CAMTA2: variants seen among roughly 807,000 people sequenced by gnomAD.
The protein encoded by CAMTA2 is calmodulin-binding transcription activator 2.
A neutral mutation model predicts 135.7 loss-of-function variants in CAMTA2; 56 were observed. The observed-to-expected ratio is 0.41, with a 90% CI of 0.33 to 0.52. The LOEUF (loss-of-function observed/expected upper bound fraction) is 0.52. Among genes scored for constraint, CAMTA2 ranks in the 20% least tolerant of loss-of-function variants. CAMTA2 has a pLI of 0.16. For missense variants in CAMTA2, 1,358 were observed against 1,553.4 expected (o/e 0.87, Z 2.11); for synonymous variants, 591 against 604.6 (o/e 0.98, Z 0.33).
Position 4,980,288 on chromosome 17 carries a change from G to C in CAMTA2, c.1034C>G (p.Ala345Gly). ...GGAAGGCCTAGGATCAGCCTGTGGA[G>C]CCAAGTGCCTGGTGGGCGTCAAGCC... ...AGGLTPTRHL[A>G]PQADPRPSMS... Residue 345 changes from alanine to glycine, a missense_variant, in exon 9 of 23, where the codon GCT becomes GGT. Physicochemically the swap from Ala to Gly is moderately conservative, Grantham distance 60. Transcript: ENST00000348066. The surrounding 1 kb of genome is among the most constrained non-coding windows in gnomAD (Gnocchi z 5.3). The C allele has an allele frequency of 6.2e-7, 1 of 1,609,326 alleles. No individual in the cohort carries two copies. The highest frequency in any genetic ancestry group is 8.5e-7 in the Non-Finnish European group (1 of 1,177,162).
At chr17:4,986,103 G>T in intron 2 of CAMTA2, 89 bp downstream of exon 2, 2 of 1,110,610 alleles carry the variant, frequency 1.8e-6, no homozygotes, top group South Asian at 1.2e-5. Flanking sequence ...TCACTAAGGA[G>T]AACAGAAAAT....
At chr17:4,977,927 TCCAATAGGGTAACACGAG>T (rs1480281950) in intron 10 of CAMTA2, among the ~76,000 whole-genome samples, 2 of 152,246 alleles carry the variant, frequency 1.3e-5, no homozygotes, top group African/African-American at 4.8e-5. Context: ...ATCGTCACTA[TCCAATAGGGTAACACGAG>T]CCATGTGTGG....
In CAMTA2 at chr17:4,970,034, C is replaced by T; in HGVS notation, c.3057G>A (p.Trp1019Ter). 2 of 1,614,066 alleles carry T rather than the reference C, an allele frequency of 1.2e-6. No individual in the cohort carries two copies. The highest frequency in any genetic ancestry group is 1.7e-6 in the Non-Finnish European group (2 of 1,180,014). Residue 1019 changes from tryptophan (W) to a stop codon, truncating the protein, a stop_gained, in exon 18 of 23, where the codon TGG becomes TGA. Transcript: ENST00000348066. LOFTEE classifies it high-confidence loss of function. ...TGGTGGATGCAGAGAGAAACTCTGC[C>T]CAGGAGGGTGCTGAAGGGACAGCCA... The part of the protein sequence containing the change: ...GRLAVPSAPS[W>*]AEFLSASTSG...
rs184255864 is a variant in CAMTA2, at chr17:4,969,912, C to T, written c.3179G>A (p.Arg1060Gln). 53 of 1,614,074 alleles carry T rather than the reference C, an allele frequency of 3.3e-5. No individual in the cohort carries two copies. Among genetic ancestry groups the T allele is most frequent in the Middle Eastern group, 3.3e-4 (2 of 6,062 alleles). Reference protein sequence around the residue: ...EAARVIQTAFRKYKGRRLKEQ... With the variant: ...EAARVIQTAFQKYKGRRLKEQ... ...ACCCCTGCCCCTGACCTTGTACTTT[C>T]GGAAGGCCGTCTGGATGACTCGGGC... Residue 1060 changes from arginine (R) to glutamine (Q), a missense_variant, in exon 18 of 23, where the codon CGA becomes CAA. By Grantham distance (43) the Arg-to-Gln change is conservative. Transcript: ENST00000348066. The surrounding 1 kb of genome is among the most constrained non-coding windows in gnomAD (Gnocchi z 5.6).
In CAMTA2 at chr17:4,978,650, AC is replaced by A. The variant is rs1049009283; in HGVS notation, c.1639-21del. 9 of 1,609,110 alleles carry A rather than the reference AC, an allele frequency of 5.6e-6. No homozygotes were observed. The highest frequency in any genetic ancestry group is 6.8e-6 in the Non-Finnish European group (8 of 1,176,620). On this transcript the variant is annotated intron_variant, in intron 9 of 22. Coordinates refer to ENST00000348066, the MANE Select transcript of CAMTA2 (RefSeq NM_015099.4). The stretch of plus-strand genomic sequence containing the variant: ...CCCACCCTGCAGACAGAAGTCAGAG[AC>A]CATGTGACTGGAGTTGGGCGTTCAT...
chr17:4,973,295 A>G (rs1454971404), intron 13 of CAMTA2, 42 bp from the exon 14 acceptor site: 1 of 1,498,920 alleles, frequency 6.7e-7, no homozygotes, highest in Admixed American at 1.7e-5. Context: ...CAATGAGGGA[A>G]AAAGTGGGCA....
chr17:4,974,113 C>T (rs1464882648), intron 12 of CAMTA2: 2 of 537,340 alleles, frequency 3.7e-6, no homozygotes, highest in African/African-American at 3.8e-5. Flanking sequence ...ATCTGAGCCC[C>T]AGTGCTCCTG....
At chr17:4,972,639 C>G in intron 15 of CAMTA2, 103 bp from the exon 16 acceptor site, 1 of 1,435,902 alleles carries the variant, frequency 7.0e-7, no homozygotes. Flanking sequence ...TCTGTTCTTG[C>G]TTCTGTTATC....
intron 1 of CAMTA2, chr17:4,986,865 G>A (rs1192993153): frequency 1.8e-6 from 2 of 1,103,890 alleles, no homozygotes; most frequent in South Asian, 1.3e-5. Context: ...CCACCCTCAG[G>A]ACAACCCACC....
At chr17:4,970,169 C>T (rs1345572061) in intron 17 of CAMTA2, 84 bp from the exon 18 acceptor site, 1 of 1,458,172 alleles carries the variant, frequency 6.9e-7, no homozygotes, top group Non-Finnish European at 9.5e-7. Flanking sequence ...AGGAAAACCA[C>T]CAGCAACTGA....
chr17:4,974,023 C>T, intron 12 of CAMTA2: 2 of 550,534 alleles, frequency 3.6e-6, no homozygotes, highest in Admixed American at 6.8e-5. Flanking sequence ...GCCATGTTCA[C>T]ACATGGCTTC....
chr17:4,978,544 G>C lies in CAMTA2; in HGVS notation c.1725C>G (p.Ala575=). 1.2e-6 allele frequency: 2 copies of C among 1,614,152 alleles called. No individual in the cohort carries two copies. The highest frequency in any genetic ancestry group is 1.7e-6 in the Non-Finnish European group (2 of 1,179,996). The change falls in exon 10 of 23, where the codon GCC becomes GCG. Residue 575 remains alanine (A), a synonymous_variant. Transcript: ENST00000348066. ...SCVFDHIAVP[A]SLVQPGVLRC... ...GTAAGACACCAGGCTGGACAAGTGA[G>C]GCTGGCACTGCGATGTGATCAAAGA...
In CAMTA2 at chr17:4,972,947, AAGG is replaced by A; in HGVS notation, c.2322_2324del (p.Leu775del). The A allele has an allele frequency of 6.2e-7, 1 of 1,613,668 alleles. No homozygotes were observed. The highest frequency in any genetic ancestry group is 8.5e-7 in the Non-Finnish European group (1 of 1,179,982). On this transcript the variant is annotated inframe_deletion, in exon 15 of 23. Transcript: ENST00000348066. Reference sequence around the variant, plus strand: ...TCAGTGCCTGTCGGTTCCAACGGAAAAGGAGCACAGCAGCTTCCAGGTGTCCCA... The same window carrying A: ...TCAGTGCCTGTCGGTTCCAACGGAAAAGCACAGCAGCTTCCAGGTGTCCCA...
Position 4,972,907 on chromosome 17 carries a change from G to T in CAMTA2, c.2365C>A (p.Leu789Met). The T allele has an allele frequency of 6.2e-7, 1 of 1,613,924 alleles. No homozygotes were observed. The highest frequency in any genetic ancestry group is 8.5e-7 in the Non-Finnish European group (1 of 1,180,024). The change falls in exon 15 of 23, where the codon CTG (leucine) becomes ATG (methionine). Residue 789 changes from leucine to methionine, a missense_variant. Coordinates refer to ENST00000348066, the MANE Select transcript of CAMTA2 (RefSeq NM_015099.4). The part of the protein sequence containing the change: ...NRQALSIPDS[L>M]GRLPLSVAHS... ...GCCACAGACAATGGCAGACGGCCCA[G>T]AGAGTCGGGAATGCTCAGTGCCTGT...
chr17:4,985,073 C>T (rs1301887609), intron 3 of CAMTA2, among the ~76,000 whole-genome samples: 5 of 151,092 alleles, frequency 3.3e-5, no homozygotes, highest in Non-Finnish European at 7.4e-5. Context: ...GTAATCCCAG[C>T]TACTTGGGAG....
chr17:4,979,972 C>T lies in CAMTA2; in HGVS notation c.1350G>A (p.Gly450=), dbSNP rs1350428565. ...NCFFIQDDDS[G]EELKGHGAAP... ...CAGCCCCGTGACCCTTGAGCTCCTC[C>T]CCACTGTCATCATCTTGGATGAAGA... Residue 450 remains glycine, a synonymous_variant, in exon 9 of 23, where the codon GGG becomes GGA. Transcript: ENST00000348066. 4 of 1,613,306 alleles carry T rather than the reference C, an allele frequency of 2.5e-6. No individual in the cohort carries two copies. In the African/African-American group the frequency reaches 4.0e-5, roughly 16 times the overall value.
intron 10 of CAMTA2, among the ~76,000 whole-genome samples, chr17:4,978,232 G>C (rs1356543636): frequency 6.6e-6 from 1 of 152,204 alleles, no homozygotes; most frequent in Non-Finnish European, 1.5e-5. Flanking sequence ...CAGGAGAGGA[G>C]GCCAAGGACC....
intron 11 of CAMTA2, among the ~76,000 whole-genome samples, chr17:4,974,996 G>A (rs1972528788): frequency 6.6e-6 from 1 of 152,176 alleles, no homozygotes; most frequent in Admixed American, 6.5e-5. Context: ...GCCCCCCGCA[G>A]CTGTCCACAA....
Position 4,969,346 on chromosome 17 carries a change from G to A in CAMTA2, c.3283-9C>T. The A allele has an allele frequency of 6.2e-6, 10 of 1,613,492 alleles. No individual in the cohort carries two copies. The highest frequency in any genetic ancestry group is 8.5e-6 in the Non-Finnish European group (10 of 1,179,490). On this transcript the variant is annotated splice_polypyrimidine_tract_variant and intron_variant, in intron 20 of 22. Coordinates refer to ENST00000348066, the MANE Select transcript of CAMTA2 (RefSeq NM_015099.4). The surrounding 1 kb of genome is among the most constrained non-coding windows in gnomAD (Gnocchi z 5.6). ...TTCTTATAGAGTGCAAACTGCAGGG[G>A]TGGGGAGGAGGGACAGGGGCTGAAA...
Sources: allele counts gnomAD v4.1 joint callset (sites outside exome capture counted in the v4.1 genomes callset), GRCh38; gene constraint gnomAD v4.1.1; non-coding constraint Gnocchi (gnomAD v3.1); transcripts MANE v1.5; gene names NCBI Gene and HGNC (gene_info 2026-07-23, HGNC 2026-07-21).